NCKAP5L: variants seen among roughly 807,000 people sequenced by gnomAD.
NCKAP5L encodes the protein NCK associated protein 5 like, also known as nck-associated protein 5-like.
NCKAP5L carries 54 observed loss-of-function variants against 103.2 expected under a neutral mutation model. That is an observed-to-expected ratio of 0.52 (90% CI 0.42 to 0.66). NCKAP5L has a LOEUF of 0.66. Among genes scored for constraint, NCKAP5L ranks in the 30% least tolerant of loss-of-function variants. The pLI, the probability that NCKAP5L is intolerant of heterozygous loss-of-function variation, is 0.00. For missense variants in NCKAP5L, 1,733 were observed against 1,750.6 expected, an observed-to-expected ratio of 0.99 and a Z score of 0.18; for synonymous variants, 762 against 748.6, an observed-to-expected ratio of 1.02 and a Z score of -0.29.
rs1946175206 is a variant in NCKAP5L at position 49,806,011 on chromosome 12, C to G, written c.-68G>C. ...CTGCCCCCTTACGCAGGTGGGCACA[C>G]TCACTCTAGCATCCAGAACGGTCAC... On this transcript the variant is annotated 5_prime_UTR_variant, in exon 2 of 13. Transcript: ENST00000335999. The G allele has an allele frequency of 6.6e-6, 1 of 151,930 alleles. No individual in the cohort carries two copies. The highest frequency in any genetic ancestry group is 1.5e-5 in the Non-Finnish European group (1 of 68,052). 9.4% of individuals were successfully genotyped at this position (151,930 alleles called of 1,614,324 possible). A position where few individuals can be genotyped will look rare whatever the true frequency, so the allele number is the denominator to read the frequency against.
intron 1 of NCKAP5L, 86 bp downstream of exon 1, chr12:49,828,236 C>T (rs569201287): frequency 6.6e-6 from 1 of 152,536 alleles, no homozygotes; most frequent in Non-Finnish European, 1.5e-5. Context: ...GCCTTACCCT[C>T]CACACCCCAC....
At chr12:49,821,046 A>G (rs1282463103) in intron 1 of NCKAP5L, among the ~76,000 whole-genome samples, 1 of 152,158 alleles carries the variant, frequency 6.6e-6, no homozygotes, top group African/African-American at 2.4e-5. Flanking sequence ...GTGCGGGGTA[A>G]GGGTGGGGTA....
rs1471273629 is a variant in NCKAP5L, at chr12:49,792,915, C to T, written c.3412G>A (p.Gly1138Arg). Residue 1138 changes from glycine to arginine, a missense_variant, in exon 11 of 13, where the codon GGG becomes AGG. By Grantham distance (125) the Gly-to-Arg change is moderately radical. Transcript: ENST00000335999. The surrounding 1 kb of genome is among the most constrained non-coding windows in gnomAD (Gnocchi z 4.5). Reference sequence around the variant, plus strand: ...TTAGGAAGATTCTTGCTGGGGGTCCCACTGCTACCATGGTCTGGGGGTGGG... The same window carrying T: ...TTAGGAAGATTCTTGCTGGGGGTCCTACTGCTACCATGGTCTGGGGGTGGG... ...TFPPPDHGSS[G>R]TPSKNLPKTK... is the part of the protein sequence containing the mutation. 13 of 1,549,420 alleles carry T rather than the reference C, an allele frequency of 8.4e-6. No homozygotes were observed. The highest frequency in any genetic ancestry group is 1.0e-5 in the Non-Finnish European group (12 of 1,155,144).
Position 49,796,054 on chromosome 12 carries a change from T to C in NCKAP5L, c.1806A>G (p.Gly602=). Reference sequence around the variant, plus strand: ...CTGGGAGGCAAGGACTGGGGGGTACTCCAGGGCTTCTGAGGACCTCAGGGG... The same window carrying C: ...CTGGGAGGCAAGGACTGGGGGGTACCCCAGGGCTTCTGAGGACCTCAGGGG... ...PQAPEVLRSP[G]VPPSPCLPES... is the part of the protein sequence containing the mutation. Residue 602 remains glycine, a synonymous_variant, in exon 8 of 13, where the codon GGA becomes GGG. Coordinates refer to ENST00000335999, the MANE Select transcript of NCKAP5L (RefSeq NM_001037806.4). 6.3e-7 allele frequency: 1 copy of C among 1,576,500 alleles called. No individual in the cohort carries two copies. Among genetic ancestry groups the C allele is most frequent in the South Asian group, 1.2e-5 (1 of 85,080 alleles).
chr12:49,792,082 C>G lies in NCKAP5L; in HGVS notation c.3793-31G>C, dbSNP rs1354913781. The G allele has an allele frequency of 2.0e-6, 3 of 1,483,724 alleles. No homozygotes were observed. In the South Asian group the frequency reaches 4.1e-5, roughly 20 times the overall value. The allele number at this position is 1,483,724 out of a possible 1,614,324, so 91.9% of individuals were successfully genotyped here. On this transcript the variant is annotated intron_variant, in intron 12 of 12. Transcript: ENST00000335999. This position sits in a 1 kb window ranked among gnomAD's most constrained non-coding sequence, Gnocchi z 4.5. The stretch of plus-strand genomic sequence containing the variant: ...AAAGGAGGGGCAGCTCGGGAGGAAG[C>G]TCCTCTCCACCTTTCGGCCCAGCCT...
intron 1 of NCKAP5L, among the ~76,000 whole-genome samples, chr12:49,813,952 G>A (rs1445833296): frequency 6.6e-6 from 1 of 151,918 alleles, no homozygotes; most frequent in African/African-American, 2.4e-5. Flanking sequence ...CAGCCTCCCA[G>A]GTAACTAGGA....
Position 49,801,981 on chromosome 12 carries a change from C to T in NCKAP5L, c.232-14G>A, listed in dbSNP as rs763590740. The T allele has an allele frequency of 1.7e-5, 27 of 1,613,280 alleles. No homozygotes were observed. The highest frequency in any genetic ancestry group is 2.2e-5 in the Non-Finnish European group (26 of 1,179,688). On this transcript the variant is annotated splice_polypyrimidine_tract_variant and intron_variant, in intron 5 of 12. Transcript: ENST00000335999. The stretch of plus-strand genomic sequence containing the variant: ...CTCTCGCAGGTCCTGCCGCCCACCC[C>T]GGGAAGTGCAGGAAGAAGAGGTGAG...
rs751548113 is a variant in NCKAP5L at position 49,793,883 on chromosome 12, C to T, written c.3109G>A (p.Glu1037Lys). 10 of 1,553,050 alleles carry T rather than the reference C, an allele frequency of 6.4e-6. No homozygotes were observed. In the Admixed American group the frequency reaches 1.4e-4, roughly 22 times the overall value. ...TCCCGCCAGCTCTTGGATGGCAGCT[C>T]CTTGCCATCCACCCTATGGGCAACA... Reference protein sequence around the residue: ...QQLLNRVDGKELPSKSWREPK... With the variant: ...QQLLNRVDGKKLPSKSWREPK... The change falls in exon 9 of 13, where the codon GAG (glutamate) becomes AAG (lysine). Residue 1037 changes from glutamate (E) to lysine (K), a missense_variant. By Grantham distance (56) the Glu-to-Lys change is moderately conservative. Transcript: ENST00000335999.
At chr12:49,812,544 T>A (rs1946252925) in intron 1 of NCKAP5L, among the ~76,000 whole-genome samples, 1 of 151,972 alleles carries the variant, frequency 6.6e-6, no homozygotes, top group African/African-American at 2.4e-5. Flanking sequence ...CCACCACGCC[T>A]GGCTAATTTT....
At chr12:49,821,389 C>T (rs1250456141) in intron 1 of NCKAP5L, among the ~76,000 whole-genome samples, 1 of 152,174 alleles carries the variant, frequency 6.6e-6, no homozygotes, top group Non-Finnish European at 1.5e-5. Context: ...CACCATCTGG[C>T]AGAGAAGGGG....
chr12:49,800,316 C>T (rs1946105117), intron 6 of NCKAP5L, among the ~76,000 whole-genome samples: 1 of 152,248 alleles, frequency 6.6e-6, no homozygotes, highest in Admixed American at 6.5e-5. Context: ...TGCCTTGTGG[C>T]ATGGCGTCTC....
intron 1 of NCKAP5L, among the ~76,000 whole-genome samples, chr12:49,821,262 C>T (rs547198326): frequency 3.9e-5 from 6 of 152,296 alleles, no homozygotes; most frequent in South Asian, 4.1e-4. Flanking sequence ...CATCCCCACC[C>T]CCCAACTTCC....
At chr12:49,820,581 C>A (rs906438473) in intron 1 of NCKAP5L, among the ~76,000 whole-genome samples, 4 of 152,176 alleles carry the variant, frequency 2.6e-5, no homozygotes, top group African/African-American at 9.7e-5. Flanking sequence ...TCCCAAAGTG[C>A]TGGGATTACA....
At chr12:49,823,729 G>A (rs1251004529) in intron 1 of NCKAP5L, among the ~76,000 whole-genome samples, 4 of 152,058 alleles carry the variant, frequency 2.6e-5, no homozygotes, top group African/African-American at 7.3e-5. Context: ...TGCCTGACTG[G>A]GCTCTTCTCA....
At position 49,795,292 on chromosome 12, in the gene NCKAP5L, G is replaced by C. The variant is rs1398588495; in HGVS notation, c.2568C>G (p.Thr856=). 13 of 1,529,806 alleles carry C rather than the reference G, an allele frequency of 8.5e-6. No homozygotes were observed. Among genetic ancestry groups the C allele is most frequent in the African/African-American group, 5.5e-5 (4 of 72,186 alleles). 94.8% of individuals were successfully genotyped at this position (1,529,806 alleles called of 1,614,324 possible). A position where few individuals can be genotyped will look rare whatever the true frequency, so the allele number is the denominator to read the frequency against. ...KGPPWADCGS[T]TAQSTPLVPG... is the part of the protein sequence containing the mutation. ...GTACTAGGGGTGTGGACTGGGCCGTGGTACTACCACAGTCTGCCCAGGGAG... is the reference window on the plus strand; with the variant it reads ...GTACTAGGGGTGTGGACTGGGCCGTCGTACTACCACAGTCTGCCCAGGGAG... The change falls in exon 8 of 13, where the codon ACC becomes ACG. Residue 856 remains threonine, a synonymous_variant. Coordinates refer to ENST00000335999, the MANE Select transcript of NCKAP5L (RefSeq NM_001037806.4).
At chr12:49,814,708 A>G (rs1242203833) in intron 1 of NCKAP5L, among the ~76,000 whole-genome samples, 1 of 152,090 alleles carries the variant, frequency 6.6e-6, no homozygotes, top group Non-Finnish European at 1.5e-5. Context: ...TCATGGTTCC[A>G]CATCTTTCTT....
intron 1 of NCKAP5L, among the ~76,000 whole-genome samples, chr12:49,824,455 G>C (rs1946394741): frequency 6.6e-6 from 1 of 152,242 alleles, no homozygotes; most frequent in Admixed American, 6.5e-5. Context: ...CCTTGGTATT[G>C]ATCCTAAAAT....
chr12:49,819,806 A>G (rs1356903184), intron 1 of NCKAP5L, among the ~76,000 whole-genome samples: 1 of 152,266 alleles, frequency 6.6e-6, no homozygotes, highest in East Asian at 1.9e-4. Context: ...ATTAAGCTAA[A>G]GCTGAAACCG....
chr12:49,810,987 A>G (rs1271789974), intron 1 of NCKAP5L, among the ~76,000 whole-genome samples: 1 of 151,914 alleles, frequency 6.6e-6, no homozygotes, highest in Admixed American at 6.6e-5. Flanking sequence ...CTTAGTCTGT[A>G]CTATCCAACA....
Sources: gnomAD v4.1 joint callset for allele counts (sites outside exome capture counted in the v4.1 genomes callset) on GRCh38, gnomAD v4.1.1 for gene constraint, Gnocchi (gnomAD v3.1) non-coding constraint, MANE v1.5 for transcripts, NCBI Gene and HGNC (gene_info 2026-07-23, HGNC 2026-07-21) for gene names.